Variants in PCDH9 observed in about 807,000 individuals in gnomAD.
The protein encoded by PCDH9 is protocadherin-9.
In PCDH9, 24 loss-of-function variants were observed where a neutral mutation model predicts 70.6. The ratio of observed to expected loss-of-function variants is 0.34; its 90% CI spans 0.25 to 0.48. PCDH9 has a LOEUF of 0.48. Ranked by LOEUF, PCDH9 falls within the 20% of genes least tolerant of loss-of-function variation. PCDH9 has a pLI of 0.99. For synonymous variants in PCDH9, 562 were observed against 558.5 expected, an observed-to-expected ratio of 1.01 and a Z score of -0.09; for missense variants, 1,281 against 1,503.6, an observed-to-expected ratio of 0.85 and a Z score of 2.45.
intron 3 of PCDH9, among the ~76,000 whole-genome samples, chr13:66,794,852 A>T (rs2080215582): frequency 6.6e-6 from 1 of 152,044 alleles, no homozygotes; most frequent in Non-Finnish European, 1.5e-5. Flanking sequence ...TGAAACACTC[A>T]TGACTACATC....
chr13:66,815,509 A>G (rs1190586614), intron 3 of PCDH9, among the ~76,000 whole-genome samples: 2 of 152,188 alleles, frequency 1.3e-5, no homozygotes, highest in Non-Finnish European at 2.9e-5. Context: ...CAGTGAAGAC[A>G]TGGAGTCAAC....
chr13:67,053,129 T>A (rs1444001384), intron 2 of PCDH9, among the ~76,000 whole-genome samples: 1 of 152,086 alleles, frequency 6.6e-6, no homozygotes, highest in Non-Finnish European at 1.5e-5. Flanking sequence ...GGAACTTACA[T>A]TGAGCACAAT....
rs1229502944 is a variant in PCDH9, at chr13:66,740,518, CA to C, written c.3139-109108del. ...AGCAGAACTGAAGGAAATAGAGACA[CA>C]AAAAACCCTTCAAAAAATTAATGAA... On this transcript the variant is annotated intron_variant, in intron 3 of 4. Coordinates refer to ENST00000377865, the MANE Select transcript of PCDH9 (RefSeq NM_203487.3). 1.8e-4 allele frequency among the ~76,000 whole-genome samples: 26 copies of C among 143,310 alleles called. No individual in the cohort carries two copies. In the South Asian group the frequency reaches 2.9e-3, roughly 16 times the overall value. 94.0% of individuals were successfully genotyped at this position (143,310 alleles called of 152,430 possible).
At chr13:66,323,225 G>T (rs573747203) in intron 4 of PCDH9, 1 of 152,034 alleles carries the variant, frequency 6.6e-6, no homozygotes, top group African/African-American at 2.4e-5. Context: ...TCTAAGAATC[G>T]TTTGAAATGA....
chr13:66,490,643 G>C (rs917202173), intron 4 of PCDH9, among the ~76,000 whole-genome samples: 2 of 152,018 alleles, frequency 1.3e-5, no homozygotes, highest in African/African-American at 4.8e-5. Flanking sequence ...AATAGGTGAG[G>C]TGGTGGTCTA....
chr13:66,610,411 C>G (rs1030813776), intron 4 of PCDH9, among the ~76,000 whole-genome samples: 1 of 152,006 alleles, frequency 6.6e-6, no homozygotes, highest in Non-Finnish European at 1.5e-5. Context: ...CATAAAATAC[C>G]TTCATACTTT....
intron 3 of PCDH9, among the ~76,000 whole-genome samples, chr13:66,808,326 G>T (rs2080443285): frequency 6.6e-6 from 1 of 151,856 alleles, no homozygotes; most frequent in South Asian, 2.1e-4. Flanking sequence ...AAACTATAAA[G>T]CAACATAGAC....
chr13:66,559,153 A>C (rs1307586271), intron 4 of PCDH9, among the ~76,000 whole-genome samples: 5 of 152,202 alleles, frequency 3.3e-5, no homozygotes, highest in African/African-American at 1.2e-4. Context: ...TCAGGAGTAA[A>C]GAATGAAAGA....
At chr13:66,938,802 T>C (rs2082959202) in intron 2 of PCDH9, among the ~76,000 whole-genome samples, 1 of 152,174 alleles carries the variant, frequency 6.6e-6, no homozygotes, top group Non-Finnish European at 1.5e-5. Flanking sequence ...TATGTGTACA[T>C]TTTTTACTTG....
At chr13:67,061,082 T>C (rs2085530425) in intron 2 of PCDH9, among the ~76,000 whole-genome samples, 1 of 152,114 alleles carries the variant, frequency 6.6e-6, no homozygotes, top group South Asian at 2.1e-4. Context: ...AGTTAGATGA[T>C]GTCAGATGAA....
intron 4 of PCDH9, among the ~76,000 whole-genome samples, chr13:66,331,635 A>G (rs754092143): frequency 1.3e-5 from 2 of 152,128 alleles, no homozygotes; most frequent in African/African-American, 2.4e-5. Flanking sequence ...CAGAAGGTTT[A>G]TTTTTCTGCA....
At chr13:67,016,269 A>C (rs1197322933) in intron 2 of PCDH9, among the ~76,000 whole-genome samples, 2 of 152,202 alleles carry the variant, frequency 1.3e-5, no homozygotes, top group Non-Finnish European at 2.9e-5. Flanking sequence ...TATCATTGTC[A>C]CAAAGCCAGT....
chr13:66,304,586 A>G lies in PCDH9; in HGVS notation c.*69T>C. 8.3e-7 allele frequency: 1 copy of G among 1,209,916 alleles called. No individual in the cohort carries two copies. The highest frequency in any genetic ancestry group is 1.2e-6 in the Non-Finnish European group (1 of 834,652). 74.9% of individuals were successfully genotyped at this position (1,209,916 alleles called of 1,614,324 possible). ...GCATAGTTGTAGAGATCTATTGAAT[A>G]CATAAAGCTCTGACGCACACGGTAT... On this transcript the variant is annotated 3_prime_UTR_variant, in exon 5 of 5. Coordinates refer to ENST00000377865, the MANE Select transcript of PCDH9 (RefSeq NM_203487.3).
rs531013561 is a variant in PCDH9 at position 66,303,633 on chromosome 13, A to C, written c.*1022T>G. 11 of 152,586 alleles carry C rather than the reference A, an allele frequency of 7.2e-5. No individual in the cohort carries two copies. The South Asian group carries it at 1.7e-3, about 23-fold the overall frequency. 9.5% of individuals were successfully genotyped at this position (152,586 alleles called of 1,614,324 possible). On this transcript the variant is annotated 3_prime_UTR_variant, in exon 5 of 5. Transcript: ENST00000377865. The stretch of plus-strand genomic sequence containing the variant: ...TAGTGATTTTTCTTCCATATATGCT[A>C]ATTTTGATACATTAGTTTTACATGA...
At chr13:66,394,874 A>C (rs1957075828) in intron 4 of PCDH9, among the ~76,000 whole-genome samples, 1 of 152,184 alleles carries the variant, frequency 6.6e-6, no homozygotes, top group South Asian at 2.1e-4. Context: ...GACAACTAAA[A>C]ATGAAGAGAA....
At chr13:66,509,189 T>C (rs1002932684) in intron 4 of PCDH9, among the ~76,000 whole-genome samples, 16 of 152,196 alleles carry the variant, frequency 1.1e-4, no homozygotes, top group African/African-American at 3.6e-4. Context: ...GTCTTCTCTT[T>C]TATTAAATCA....
chr13:67,024,830 C>A (rs977580387), intron 2 of PCDH9, among the ~76,000 whole-genome samples: 4 of 152,062 alleles, frequency 2.6e-5, no homozygotes, highest in African/African-American at 9.7e-5. Flanking sequence ...ATGAAATACT[C>A]TTTTCCATAT....
At chr13:66,955,340 A>G (rs2083250636) in intron 2 of PCDH9, among the ~76,000 whole-genome samples, 1 of 152,230 alleles carries the variant, frequency 6.6e-6, no homozygotes, top group Admixed American at 6.5e-5. Flanking sequence ...ATAAAGGAAG[A>G]ATTATAACTA....
chr13:67,101,494 A>T (rs1350264585), intron 2 of PCDH9, among the ~76,000 whole-genome samples: 2 of 152,330 alleles, frequency 1.3e-5, no homozygotes, highest in Non-Finnish European at 1.5e-5. Flanking sequence ...ACCCATTTAG[A>T]ACCTTCTAAA....
Sources: allele counts gnomAD v4.1 joint callset (sites outside exome capture counted in the v4.1 genomes callset), GRCh38; gene constraint gnomAD v4.1.1; transcripts MANE v1.5; gene names NCBI Gene and HGNC (gene_info 2026-07-23, HGNC 2026-07-21).